Variants in ARHGEF11 observed in about 807,000 individuals in gnomAD.
ARHGEF11 encodes Rho guanine nucleotide exchange factor 11.
Under a neutral mutation model 193.7 loss-of-function variants are expected in ARHGEF11, and 55 were observed. That is an observed-to-expected ratio of 0.28 (90% CI 0.23 to 0.36). The LOEUF (loss-of-function observed/expected upper bound fraction) is 0.36, where lower values mean the gene tolerates loss of function less well. ARHGEF11 is among the 10% of genes least tolerant of loss of function. The pLI is 1.00. For synonymous variants in ARHGEF11, 693 were observed against 768.0 expected (o/e 0.90, Z 1.62); for missense variants, 1,723 against 2,005.6 (o/e 0.86, Z 2.69).
chr1:156,962,514 C>T (rs1661038520), intron 13 of ARHGEF11, among the ~76,000 whole-genome samples: 1 of 152,062 alleles, frequency 6.6e-6, no homozygotes, highest in African/African-American at 2.4e-5. Flanking sequence ...TTAAGCCTTG[C>T]CATCTGCAAG....
intron 1 of ARHGEF11, among the ~76,000 whole-genome samples, chr1:157,013,288 CA>C (rs1668782396): frequency 6.6e-6 from 1 of 150,578 alleles, no homozygotes; most frequent in Non-Finnish European, 1.5e-5. Context: ...CACACACACA[CA>C]CACACACACA....
At chr1:157,006,454 G>C (rs1039094911) in intron 1 of ARHGEF11, among the ~76,000 whole-genome samples, 2 of 139,508 alleles carry the variant, frequency 1.4e-5, no homozygotes, top group Non-Finnish European at 3.1e-5. Context: ...GAGGGAGTGA[G>C]AGACCTAGGA....
At chr1:156,975,632 G>A (rs1663151793) in intron 7 of ARHGEF11, among the ~76,000 whole-genome samples, 1 of 152,238 alleles carries the variant, frequency 6.6e-6, no homozygotes, top group East Asian at 1.9e-4. Flanking sequence ...CCAATCCAAG[G>A]TCATGAAGAT....
In ARHGEF11 at chr1:156,935,426, C is replaced by A. The variant is rs924938329; in HGVS notation, c.*574G>T. 3 of 152,286 alleles carry A rather than the reference C, an allele frequency of 2.0e-5. No individual in the cohort carries two copies. Among genetic ancestry groups the A allele is most frequent in the African/African-American group, 4.8e-5 (2 of 41,454 alleles). The allele number at this position is 152,286 out of a possible 1,614,324, so 9.4% of individuals were successfully genotyped here. A position where few individuals can be genotyped will look rare whatever the true frequency, so the allele number is the denominator to read the frequency against. ...GTTAACTAAGGAGATACAAGTGAAA[C>A]CCCTCTTCCCTAAGCAGCTCCTTCC... On this transcript the variant is annotated 3_prime_UTR_variant, in exon 41 of 41. Transcript: ENST00000368194.
rs748748756 is a variant in ARHGEF11, at chr1:156,948,258, C to G, written c.2106-30G>C. The G allele has an allele frequency of 1.9e-6, 3 of 1,602,482 alleles. No homozygotes were observed. The South Asian group carries it at 3.3e-5, about 18-fold the overall frequency. Reference sequence around the variant, plus strand: ...GGAGGGAATGTCAACTCTCAGCAACCCTCTATCCTTGCCGCCACCCCTGAG... The same window carrying G: ...GGAGGGAATGTCAACTCTCAGCAACGCTCTATCCTTGCCGCCACCCCTGAG... On this transcript the variant is annotated intron_variant, in intron 23 of 40. Transcript: ENST00000368194. This position sits in a 1 kb window ranked among gnomAD's most constrained non-coding sequence, Gnocchi z 4.2.
At chr1:156,937,781 T>C (rs930713079) in intron 38 of ARHGEF11, among the ~76,000 whole-genome samples, 2 of 152,156 alleles carry the variant, frequency 1.3e-5, no homozygotes, top group South Asian at 2.1e-4. Flanking sequence ...TTTGGGGAAA[T>C]TGGAGTGGCT....
At chr1:156,955,113 C>T (rs1173210938) in intron 20 of ARHGEF11, among the ~76,000 whole-genome samples, 192 bp from the exon 21 acceptor site, 3 of 152,144 alleles carry the variant, frequency 2.0e-5, no homozygotes, top group African/African-American at 7.2e-5. Flanking sequence ...ACCCCACTGC[C>T]CTTCACAGAT....
chr1:157,046,018 G>A (rs948029962), upstream of ARHGEF11, among the ~76,000 whole-genome samples: 2 of 150,726 alleles, frequency 1.3e-5, no homozygotes, highest in Non-Finnish European at 3.0e-5. Context: ...CGCGACTCCC[G>A]CCGACCGGCC....
At chr1:156,980,961 G>A (rs1009505489) in intron 3 of ARHGEF11, among the ~76,000 whole-genome samples, 6 of 151,820 alleles carry the variant, frequency 4.0e-5, no homozygotes, top group Non-Finnish European at 1.5e-5. Context: ...AGATATTCTC[G>A]GTATTCACAT....
intron 7 of ARHGEF11, among the ~76,000 whole-genome samples, chr1:156,975,090 C>T (rs1247799078): frequency 1.3e-5 from 2 of 152,198 alleles, no homozygotes; most frequent in Non-Finnish European, 2.9e-5. Flanking sequence ...TACTGTCAAA[C>T]TGTTTTCCAG....
At chr1:157,025,558 TA>T (rs1261259913) in intron 1 of ARHGEF11, among the ~76,000 whole-genome samples, 5 of 152,166 alleles carry the variant, frequency 3.3e-5, no homozygotes, top group African/African-American at 9.7e-5. Flanking sequence ...CCTGAGTTGG[TA>T]ATCTTTCTGC....
intron 1 of ARHGEF11, among the ~76,000 whole-genome samples, chr1:157,015,926 G>T (rs958025581): frequency 3.3e-5 from 5 of 152,214 alleles, no homozygotes; most frequent in Admixed American, 3.3e-4. Context: ...CAACTGAGGA[G>T]GGGGAGAGAT....
intron 5 of ARHGEF11, 81 bp from the exon 6 acceptor site, chr1:156,978,463 C>T: frequency 6.7e-7 from 1 of 1,483,756 alleles, no homozygotes; most frequent in Non-Finnish European, 8.9e-7. Context: ...GGGCTGTTCT[C>T]CCTTGTCCTG....
At chr1:157,016,798 ATTATTTATTTATTTAT>A (rs148884718) in intron 1 of ARHGEF11, among the ~76,000 whole-genome samples, 6 of 149,218 alleles carry the variant, frequency 4.0e-5, no homozygotes, top group African/African-American at 9.9e-5. Context: ...TAGAGTTTTT[ATTATTTATTTATTTAT>A]TTATTTATTT....
At chr1:157,004,365 C>T (rs1667567179) in intron 1 of ARHGEF11, among the ~76,000 whole-genome samples, 1 of 152,184 alleles carries the variant, frequency 6.6e-6, no homozygotes, top group African/African-American at 2.4e-5. Flanking sequence ...AATTCAACTC[C>T]ATCCCAGGCG....
At chr1:157,035,385 T>C (rs1261722533) in intron 1 of ARHGEF11, among the ~76,000 whole-genome samples, 1 of 151,426 alleles carries the variant, frequency 6.6e-6, no homozygotes, top group African/African-American at 2.4e-5. Context: ...TTTGGCACCA[T>C]GGAATTCACA....
intron 20 of ARHGEF11, among the ~76,000 whole-genome samples, 165 bp downstream of exon 20, chr1:156,955,538 G>C (rs1659828296): frequency 6.6e-6 from 1 of 152,162 alleles, no homozygotes; most frequent in Non-Finnish European, 1.5e-5. Flanking sequence ...CTGAACCTCA[G>C]AGATCCTGCA....
chr1:156,972,927 T>G (rs1662707641), intron 7 of ARHGEF11, among the ~76,000 whole-genome samples: 1 of 152,212 alleles, frequency 6.6e-6, no homozygotes, highest in African/African-American at 2.4e-5. Context: ...TCCTACAAAA[T>G]GTTCGAGTTT....
At chr1:157,043,774 G>T (rs1673039952) in intron 1 of ARHGEF11, among the ~76,000 whole-genome samples, 2 of 152,196 alleles carry the variant, frequency 1.3e-5, no homozygotes, top group African/African-American at 4.8e-5. Context: ...TGGGTGCAAA[G>T]GATGTTTCTG....
Sources: gnomAD v4.1 joint callset for allele counts (sites outside exome capture counted in the v4.1 genomes callset) on GRCh38, gnomAD v4.1.1 for gene constraint, Gnocchi (gnomAD v3.1) non-coding constraint, MANE v1.5 for transcripts, NCBI Gene and HGNC (gene_info 2026-07-23, HGNC 2026-07-21) for gene names.